Variants in ELF4 observed in about 807,000 individuals in gnomAD.
ELF4 encodes E74 like ETS transcription factor 4, also known as ETS-related transcription factor Elf-4.
A neutral mutation model predicts 31.7 loss-of-function variants in ELF4; 10 were observed. That is an observed-to-expected ratio of 0.32 (90% CI 0.19 to 0.54). ELF4 has a LOEUF of 0.54. Ranked by LOEUF, ELF4 falls within the 20% of genes least tolerant of loss-of-function variation. The pLI is 0.95. For synonymous variants in ELF4, 208 were observed against 226.7 expected, an observed-to-expected ratio of 0.92 and a Z score of 0.74; for missense variants, 418 against 522.0, an observed-to-expected ratio of 0.80 and a Z score of 1.94.
At position 130,074,078 on chromosome X, in the gene ELF4, G is replaced by A; in HGVS notation, c.311C>T (p.Pro104Leu). The change falls in exon 4 of 9, where the codon CCC becomes CTC. Residue 104 changes from proline to leucine, a missense_variant. By Grantham distance (98) the Pro-to-Leu change is moderately conservative (BLOSUM62 -3). Around this residue, in one of 4 missense-constraint regions of ELF4, gnomAD observed 88 missense variants for 92.4 expected, o/e 0.95. Transcript: ENST00000308167. ...TAEVLLNMES[P>L]SDILDEKQIF... Reference sequence around the variant, plus strand: ...CTGCTTCTCATCCAGGATATCGCTGGGAGACTCCATATTGAGTAAGACTTC... The same window carrying A: ...CTGCTTCTCATCCAGGATATCGCTGAGAGACTCCATATTGAGTAAGACTTC... 8.3e-7 allele frequency: 1 copy of A among 1,211,602 alleles called. No individual in the cohort carries two copies. Among genetic ancestry groups the A allele is most frequent in the Non-Finnish European group, 1.1e-6 (1 of 895,477 alleles).
chrX:130,102,730 T>C (rs1245819270), intron 1 of ELF4, among the ~76,000 whole-genome samples: 1 of 107,721 alleles, frequency 9.3e-6, no homozygotes, highest in African/African-American at 3.4e-5. Flanking sequence ...GGTGGTAGGA[T>C]TACTTGAGCT....
At chrX:130,091,006 G>C (rs1377695889) in intron 1 of ELF4, among the ~76,000 whole-genome samples, 1 of 111,653 alleles carries the variant, frequency 9.0e-6, no homozygotes, top group Non-Finnish European at 1.9e-5. Flanking sequence ...TTGAGACAGG[G>C]TTTTGCCATG....
chrX:130,092,491 G>A (rs1457608921), intron 1 of ELF4, among the ~76,000 whole-genome samples: 2 of 112,479 alleles, frequency 1.8e-5, no homozygotes, highest in Non-Finnish European at 3.8e-5. Flanking sequence ...AGGTACAAGC[G>A]GATGCAGTAC....
At chrX:130,081,830 A>T (rs972140331) in intron 1 of ELF4, among the ~76,000 whole-genome samples, 2 of 111,937 alleles carry the variant, frequency 1.8e-5, no homozygotes, top group African/African-American at 3.2e-5. Context: ...AAAGATATGC[A>T]GCCTCCCTCC....
chrX:130,086,985 C>T (rs1932971384), intron 1 of ELF4, among the ~76,000 whole-genome samples: 1 of 112,314 alleles, frequency 8.9e-6, no homozygotes, highest in African/African-American at 3.2e-5. Flanking sequence ...CGCCCCAGCA[C>T]TTTGGGTTGT....
In ELF4 at chrX:130,074,735, C is replaced by G; in HGVS notation, c.93G>C (p.Val31=). ...DDIHQLEDPS[V]FPAVIVEQVP... ...CCTGCTCCACGATCACAGCTGGGAA[C>G]ACAGAGGGGTCTTCCAGCTATGGAG... The change falls in exon 3 of 9, where the codon GTG becomes GTC. Residue 31 remains valine, a synonymous_variant. Transcript: ENST00000308167. 2 of 1,211,539 alleles carry G rather than the reference C, an allele frequency of 1.7e-6. No individual in the cohort carries two copies. Among genetic ancestry groups the G allele is most frequent in the Non-Finnish European group, 2.2e-6 (2 of 895,480 alleles).
At chrX:130,067,620 T>A in intron 8 of ELF4, 95 bp from the exon 9 acceptor site, 1 of 929,459 alleles carries the variant, frequency 1.1e-6, no homozygotes, top group African/African-American at 1.9e-5. Flanking sequence ...TGAAGGTGTT[T>A]GTCGATTTAT....
At chrX:130,086,814 A>G (rs911918839) in intron 1 of ELF4, among the ~76,000 whole-genome samples, 27 of 112,446 alleles carry the variant, frequency 2.4e-4, no homozygotes. Context: ...TAAGCTCCAG[A>G]CGGTGGACCC....
chrX:130,065,764 C>A lies in ELF4; in HGVS notation c.*957G>T, dbSNP rs1465797312. 5.7e-6 allele frequency: 1 copy of A among 174,465 alleles called. No individual in the cohort carries two copies. Among genetic ancestry groups the A allele is most frequent in the African/African-American group, 2.9e-5 (1 of 34,078 alleles). 14.4% of individuals were successfully genotyped at this position (174,465 alleles called of 1,213,427 possible). ...GCCGGTATCACACAAACAGCCCAAG[C>A]CCTAGGCACAAATACTCAATGAATT... On this transcript the variant is annotated 3_prime_UTR_variant, in exon 9 of 9. Coordinates refer to ENST00000308167, the MANE Select transcript of ELF4 (RefSeq NM_001421.4).
chrX:130,110,560 C>T (rs1453814007), upstream of ELF4: 1 of 109,271 alleles, frequency 9.2e-6, no homozygotes, highest in Non-Finnish European at 1.9e-5. Flanking sequence ...CCCCGCCCTC[C>T]TCCCCGCCCG....
In ELF4 at chrX:130,066,563, TG is replaced by T. The variant is rs1317571380; in HGVS notation, c.*157del. The T allele has an allele frequency of 1.2e-5, 7 of 560,333 alleles. No homozygotes were observed. The highest frequency in any genetic ancestry group is 2.9e-5 in the Admixed American group (1 of 34,720). The allele number at this position is 560,333 out of a possible 1,213,427, so 46.2% of individuals were successfully genotyped here. ...TGCCAGGGATGCTTAAGCTGGGCAC[TG>T]TTTGGCCACAGTGACACCAGGCAGG... On this transcript the variant is annotated 3_prime_UTR_variant, in exon 9 of 9. Transcript: ENST00000308167.
At chrX:130,107,791 T>TAA (rs1933401886) in intron 1 of ELF4, among the ~76,000 whole-genome samples, 1 of 112,881 alleles carries the variant, frequency 8.9e-6, no homozygotes, top group African/African-American at 3.2e-5. Flanking sequence ...ATGTATTTGA[T>TAA]CCTCACCAAA....
At chrX:130,090,382 A>AG (rs1266995456) in intron 1 of ELF4, among the ~76,000 whole-genome samples, 1 of 109,570 alleles carries the variant, frequency 9.1e-6, no homozygotes, top group South Asian at 3.9e-4. Context: ...CAAAAAAAAA[A>AG]AAGAAGAAGA....
Position 130,072,285 on chromosome X carries a change from A to T in ELF4, c.473T>A (p.Leu158Gln), listed in dbSNP as rs781235949. Residue 158 changes from leucine to glutamine, a missense_variant, in exon 5 of 9, where the codon CTG becomes CAG. By Grantham distance (113) the Leu-to-Gln change is moderately radical (BLOSUM62 -2). This residue lies in a region of ELF4 where 88 missense variants were observed against 92.4 expected (regional missense o/e 0.95). Transcript: ENST00000308167. ...GDTSDQEGHS[L>Q]EEKASREESA... ...TTCCTCTCTGGAGGCCTTCTCCTCC[A>T]GAGAATGCCCCTCCTGGTCACTAGT... The T allele has an allele frequency of 2.5e-6, 3 of 1,210,521 alleles. No individual in the cohort carries two copies. Among genetic ancestry groups the T allele is most frequent in the East Asian group, 3.0e-5 (1 of 33,752 alleles).
chrX:130,068,435 T>C (rs6637686), intron 8 of ELF4, among the ~76,000 whole-genome samples: 28,897 of 111,246 alleles, frequency 0.26, 2,845 homozygotes, highest in Admixed American at 0.39. Context: ...CAACTAGGTC[T>C]TGTGATCCCA....
At chrX:130,105,149 G>A (rs1170282898) in intron 1 of ELF4, among the ~76,000 whole-genome samples, 1 of 110,949 alleles carries the variant, frequency 9.0e-6, no homozygotes, top group Non-Finnish European at 1.9e-5. Flanking sequence ...CAGCCTGGGC[G>A]ACAGAGCAAG....
chrX:130,088,098 GGCAGTT>G (rs1418871267), intron 1 of ELF4, among the ~76,000 whole-genome samples: 1 of 110,963 alleles, frequency 9.0e-6, no homozygotes, highest in Non-Finnish European at 1.9e-5. Context: ...CTTTAGGAAG[GGCAGTT>G]TGGTCTGGGT....
intron 2 of ELF4, among the ~76,000 whole-genome samples, chrX:130,076,908 A>G (rs1473587515): frequency 9.0e-6 from 1 of 111,316 alleles, no homozygotes; most frequent in East Asian, 2.8e-4. Context: ...AATGAGAATG[A>G]TCCTCTCTGT....
intron 1 of ELF4, among the ~76,000 whole-genome samples, chrX:130,102,395 G>A (rs1463775846): frequency 1.8e-5 from 2 of 111,987 alleles, no homozygotes; most frequent in Non-Finnish European, 3.8e-5. Context: ...AGAGAAATAA[G>A]TAGACCAATC....
Sources: gnomAD v4.1 joint callset for allele counts (sites outside exome capture counted in the v4.1 genomes callset) on GRCh38, gnomAD v4.1.1 for gene constraint, gnomAD v4.1.1 regional missense constraint, MANE v1.5 for transcripts, NCBI Gene and HGNC (gene_info 2026-07-23, HGNC 2026-07-21) for gene names.